The following PRDM5 variants were observed in gnomAD, a reference collection of about 807,000 sequenced individuals.
The protein encoded by PRDM5 is PR/SET domain 5.
A neutral mutation model predicts 81.2 loss-of-function variants in PRDM5; 56 were observed. The observed-to-expected ratio is 0.69, with a 90% CI of 0.56 to 0.86. The LOEUF is 0.86. Among genes scored for constraint, PRDM5 ranks in the 40% least tolerant of loss-of-function variants. The pLI is 0.00. For missense variants in PRDM5, 697 were observed against 770.1 expected (o/e 0.91, Z 1.12); for synonymous variants, 267 against 256.4 (o/e 1.04, Z -0.39).
rs182736805 is a variant in PRDM5, at chr4:120,762,388, G to A, written c.1538-7750C>T. On this transcript the variant is annotated intron_variant, in intron 13 of 15. Coordinates refer to ENST00000264808, the MANE Select transcript of PRDM5 (RefSeq NM_018699.4). ...TGTTTCATGAAAAATACCTGATATCGTTCCACATGGTTGAACTTTAAAATA... is the reference window on the plus strand; with the variant it reads ...TGTTTCATGAAAAATACCTGATATCATTCCACATGGTTGAACTTTAAAATA... 1.2e-4 allele frequency: 19 copies of A among 152,212 alleles called. No homozygotes were observed. The East Asian group carries it at 3.3e-3, about 26-fold the overall frequency. The allele number at this position is 152,212 out of a possible 1,614,324, so 9.4% of individuals were successfully genotyped here.
intron 2 of PRDM5, among the ~76,000 whole-genome samples, chr4:120,889,825 G>A (rs150074881): frequency 8.2e-4 from 125 of 152,220 alleles, no homozygotes; most frequent in Middle Eastern, 6.8e-3. Context: ...TGTGGTATTT[G>A]ATTTTCTGTT....
chr4:120,848,713 C>G, intron 3 of PRDM5, among the ~76,000 whole-genome samples: 1 of 151,910 alleles, frequency 6.6e-6, no homozygotes, highest in Admixed American at 6.6e-5. Context: ...GCAAATTTGC[C>G]CTGTCAATAA....
At chr4:120,798,810 A>G (rs979800539) in intron 9 of PRDM5, among the ~76,000 whole-genome samples, 1 of 152,184 alleles carries the variant, frequency 6.6e-6, no homozygotes, top group Non-Finnish European at 1.5e-5. Flanking sequence ...CAGGGCCACA[A>G]AGGCCTCATG....
chr4:120,845,612 C>T (rs1385564830), intron 3 of PRDM5, among the ~76,000 whole-genome samples: 1 of 150,976 alleles, frequency 6.6e-6, no homozygotes, highest in Non-Finnish European at 1.5e-5. Flanking sequence ...GGCACCTGGT[C>T]ACCCAAGAGC....
chr4:120,878,550 A>G (rs545853783), intron 2 of PRDM5, among the ~76,000 whole-genome samples: 4 of 152,314 alleles, frequency 2.6e-5, no homozygotes, highest in East Asian at 1.9e-4. Context: ...AGACCCATGA[A>G]AGAAATATTG....
At chr4:120,841,635 A>C (rs903407898) in intron 3 of PRDM5, among the ~76,000 whole-genome samples, 7 of 152,196 alleles carry the variant, frequency 4.6e-5, no homozygotes, top group African/African-American at 1.7e-4. Context: ...CATACACCAA[A>C]AATCTTGCCT....
At chr4:120,741,978 CACAG>C (rs995720393) in intron 14 of PRDM5, among the ~76,000 whole-genome samples, 57 of 152,358 alleles carry the variant, frequency 3.7e-4, no homozygotes, top group Admixed American at 2.1e-3. Flanking sequence ...AGGGGCAGGG[CACAG>C]ACAAACAAAA....
intron 7 of PRDM5, among the ~76,000 whole-genome samples, chr4:120,813,318 T>C (rs745934381): frequency 1.3e-5 from 2 of 152,200 alleles, no homozygotes; most frequent in Admixed American, 1.3e-4. Flanking sequence ...AAAGTAAGCA[T>C]ATAGTATAAT....
chr4:120,801,499 T>C (rs906351555), intron 8 of PRDM5, among the ~76,000 whole-genome samples: 2 of 152,230 alleles, frequency 1.3e-5, no homozygotes, highest in Non-Finnish European at 2.9e-5. Context: ...TGGTGAGTCA[T>C]TAAATTCAGT....
At chr4:120,886,626 A>C (rs1220457077) in intron 2 of PRDM5, among the ~76,000 whole-genome samples, 2 of 152,226 alleles carry the variant, frequency 1.3e-5, no homozygotes, top group East Asian at 3.8e-4. Context: ...TTTTTTAAGA[A>C]CGCCAATGGT....
At chr4:120,882,900 G>T (rs973019649) in intron 2 of PRDM5, among the ~76,000 whole-genome samples, 1 of 152,160 alleles carries the variant, frequency 6.6e-6, no homozygotes, top group Non-Finnish European at 1.5e-5. Context: ...AAACTAAAAT[G>T]TAGTCCTACC....
intron 10 of PRDM5, among the ~76,000 whole-genome samples, chr4:120,794,931 T>C (rs1751140003): frequency 6.6e-6 from 1 of 152,076 alleles, no homozygotes; most frequent in Non-Finnish European, 1.5e-5. Flanking sequence ...CAGCCTTCTA[T>C]TCTATTTTTT....
chr4:120,880,917 A>T (rs1007726862), intron 2 of PRDM5, among the ~76,000 whole-genome samples: 2 of 152,318 alleles, frequency 1.3e-5, no homozygotes, highest in Middle Eastern at 6.8e-3. Flanking sequence ...TATTAATGAA[A>T]TTAAGTTCAA....
At chr4:120,816,269 C>T in intron 7 of PRDM5, 184 bp downstream of exon 7, 1 of 921,706 alleles carries the variant, frequency 1.1e-6, no homozygotes. Flanking sequence ...ACAAATGCTG[C>T]TAAATTCAAC....
chr4:120,748,511 G>A (rs993587041), intron 14 of PRDM5, among the ~76,000 whole-genome samples: 5 of 151,938 alleles, frequency 3.3e-5, no homozygotes, highest in African/African-American at 4.8e-5. Context: ...GCATTGTGGT[G>A]CATGCCTGTA....
intron 14 of PRDM5, among the ~76,000 whole-genome samples, chr4:120,748,292 C>T (rs1743446049): frequency 6.6e-6 from 1 of 152,146 alleles, no homozygotes. Flanking sequence ...AGGCCCAAGG[C>T]CTTGGAAAAA....
intron 3 of PRDM5, among the ~76,000 whole-genome samples, chr4:120,821,810 A>C (rs1376373456): frequency 1.3e-5 from 2 of 152,142 alleles, no homozygotes; most frequent in African/African-American, 4.8e-5. Context: ...TCGTCCCCTG[A>C]AAGAATTTAC....
chr4:120,729,612 T>C (rs1313186971), intron 14 of PRDM5, among the ~76,000 whole-genome samples: 1 of 152,210 alleles, frequency 6.6e-6, no homozygotes, highest in Non-Finnish European at 1.5e-5. Flanking sequence ...AAATGCTGTT[T>C]TGATTTCCTA....
chr4:120,775,557 A>C lies in PRDM5; in HGVS notation c.1537+1631T>G, dbSNP rs149114701. Among the ~76,000 whole-genome samples the C allele has an allele frequency of 1.8e-3, 278 of 152,274 alleles. 1 individual carries two copies. Among genetic ancestry groups the C allele is most frequent in the African/African-American group, 6.5e-3 (272 of 41,550 alleles). ...GAACAATGTAAGTCCCTACCTTTTA[A>C]AAACACACTATACCAAACATAACAC... On this transcript the variant is annotated intron_variant, in intron 13 of 15. Transcript: ENST00000264808.
Sources: gnomAD v4.1 joint callset for allele counts (sites outside exome capture counted in the v4.1 genomes callset) on GRCh38, gnomAD v4.1.1 for gene constraint, MANE v1.5 for transcripts, NCBI Gene and HGNC (gene_info 2026-07-23, HGNC 2026-07-21) for gene names.